ERBIN: variants seen among roughly 807,000 people sequenced by gnomAD.
ERBIN encodes the protein densin-180-like protein.
ERBIN carries 60 observed loss-of-function variants against 158.4 expected under a neutral mutation model. The observed-to-expected ratio is 0.38, with a 90% CI of 0.31 to 0.47. The LOEUF (loss-of-function observed/expected upper bound fraction) is 0.47. Among genes scored for constraint, ERBIN ranks in the 20% least tolerant of loss-of-function variants. ERBIN has a pLI of 0.99. For synonymous variants in ERBIN, 594 were observed against 557.2 expected (o/e 1.07, Z -0.93); for missense variants, 1,610 against 1,648.0 (o/e 0.98, Z 0.40).
intron 4 of ERBIN, among the ~76,000 whole-genome samples, chr5:66,009,166 C>T (rs1753936185): frequency 6.6e-6 from 1 of 152,214 alleles, no homozygotes; most frequent in Non-Finnish European, 1.5e-5. Flanking sequence ...CTAGGCTCTG[C>T]AGCAGCAGAC....
intron 21 of ERBIN, among the ~76,000 whole-genome samples, chr5:66,067,910 AG>A (rs892196693): frequency 6.6e-6 from 1 of 152,318 alleles, no homozygotes; most frequent in South Asian, 2.1e-4. Flanking sequence ...CAGGAATTTG[AG>A]GCCAGCCTGG....
At chr5:66,001,532 C>G (rs1327709755) in intron 4 of ERBIN, among the ~76,000 whole-genome samples, 1 of 152,082 alleles carries the variant, frequency 6.6e-6, no homozygotes, top group African/African-American at 2.4e-5. Flanking sequence ...GGCCTCTATT[C>G]TTTGCTTCTC....
intron 4 of ERBIN, among the ~76,000 whole-genome samples, chr5:66,003,015 G>A (rs1753164472): frequency 6.6e-6 from 1 of 152,160 alleles, no homozygotes; most frequent in South Asian, 2.1e-4. Context: ...ACTCATTTGT[G>A]CCCTACCATA....
At chr5:65,952,679 T>C (rs1191742826) in intron 1 of ERBIN, among the ~76,000 whole-genome samples, 1 of 152,228 alleles carries the variant, frequency 6.6e-6, no homozygotes, top group Non-Finnish European at 1.5e-5. Flanking sequence ...TAGCATACTT[T>C]AAAATTTTTT....
At chr5:65,986,917 T>G (rs1459857668) in intron 1 of ERBIN, among the ~76,000 whole-genome samples, 1 of 152,224 alleles carries the variant, frequency 6.6e-6, no homozygotes, top group Non-Finnish European at 1.5e-5. Context: ...TTGTTTTGTT[T>G]TTTTCCTCTG....
intron 21 of ERBIN, among the ~76,000 whole-genome samples, chr5:66,065,534 C>T (rs1475046221): frequency 6.7e-6 from 1 of 150,344 alleles, no homozygotes; most frequent in Non-Finnish European, 1.5e-5. Context: ...TATATGGGGT[C>T]TATAAATAAA....
intron 21 of ERBIN, 91 bp downstream of exon 21, chr5:66,055,042 A>G: frequency 1.4e-6 from 2 of 1,438,074 alleles, no homozygotes; most frequent in Non-Finnish European, 1.8e-6. Flanking sequence ...ATTACTGATT[A>G]TCTCTTTATA....
intron 7 of ERBIN, among the ~76,000 whole-genome samples, chr5:66,016,386 ACT>A (rs1291362998): frequency 2.6e-5 from 4 of 152,098 alleles, no homozygotes; most frequent in Non-Finnish European, 1.5e-5. Context: ...TTCAAATTAG[ACT>A]CTCAGTGAAT....
intron 4 of ERBIN, among the ~76,000 whole-genome samples, chr5:66,003,145 T>G (rs1753181917): frequency 6.6e-6 from 1 of 152,196 alleles, no homozygotes; most frequent in African/African-American, 2.4e-5. Context: ...ACTCGAATGT[T>G]TTATTCTGTA....
chr5:65,973,544 C>A (rs1169006923), intron 1 of ERBIN, among the ~76,000 whole-genome samples: 2 of 151,378 alleles, frequency 1.3e-5, no homozygotes, highest in Non-Finnish European at 2.9e-5. Flanking sequence ...CTGGCACTCA[C>A]ATCTAGGATT....
At chr5:66,018,282 AT>A (rs1234737779) in intron 7 of ERBIN, among the ~76,000 whole-genome samples, 1 of 148,420 alleles carries the variant, frequency 6.7e-6, no homozygotes, top group African/African-American at 2.5e-5. Flanking sequence ...CGTTTTAATT[AT>A]CCTAATCCAT....
At chr5:65,948,476 C>G (rs548374757) in intron 1 of ERBIN, among the ~76,000 whole-genome samples, 3 of 151,920 alleles carry the variant, frequency 2.0e-5, no homozygotes, top group African/African-American at 7.3e-5. Context: ...CTGCATCCAG[C>G]TGGTTTTTTT....
In ERBIN at chr5:66,023,316, A is replaced by G. The variant is rs747139365; in HGVS notation, c.624A>G (p.Gly208=). The G allele has an allele frequency of 5.0e-6, 8 of 1,613,262 alleles. No individual in the cohort carries two copies. The highest frequency in any genetic ancestry group is 6.8e-6 in the Non-Finnish European group (8 of 1,179,444). ...EVPEVLEQLS[G]LKEFWMDANR... is the part of the protein sequence containing the mutation. ...CTGAAGTACTTGAGCAACTAAGTGG[A>G]TTGAAAGAGTTTTGGATGGATGCTA... is the stretch of plus-strand genomic sequence containing the variant. Residue 208 remains glycine, a synonymous_variant, in exon 9 of 26, where the codon GGA becomes GGG. Coordinates refer to ENST00000284037, the MANE Select transcript of ERBIN (RefSeq NM_001253697.2).
chr5:65,988,374 T>TAA (rs994924385), intron 1 of ERBIN, among the ~76,000 whole-genome samples: 1 of 142,106 alleles, frequency 7.0e-6, no homozygotes, highest in African/African-American at 2.6e-5. Context: ...CCCAGTCTCT[T>TAA]AAAAAAAAAA....
chr5:66,022,113 A>G (rs1330540685), intron 8 of ERBIN, among the ~76,000 whole-genome samples: 5 of 152,072 alleles, frequency 3.3e-5, no homozygotes, highest in African/African-American at 1.2e-4. Context: ...TGCTTGCTAT[A>G]GTATTGCCCT....
chr5:66,058,988 T>G (rs188633211), intron 21 of ERBIN, among the ~76,000 whole-genome samples: 3 of 152,156 alleles, frequency 2.0e-5, no homozygotes, highest in African/African-American at 7.2e-5. Context: ...CAGCTTTGTT[T>G]TTTTTGGCTT....
At chr5:65,966,339 T>A (rs1296977061) in intron 1 of ERBIN, among the ~76,000 whole-genome samples, 1 of 152,192 alleles carries the variant, frequency 6.6e-6, no homozygotes, top group Admixed American at 6.5e-5. Flanking sequence ...TACTGGTTTA[T>A]GTATTTAGTA....
intron 1 of ERBIN, among the ~76,000 whole-genome samples, chr5:65,955,448 G>A (rs1167825672): frequency 6.6e-6 from 1 of 152,134 alleles, no homozygotes; most frequent in Non-Finnish European, 1.5e-5. Flanking sequence ...TGGCCAACAT[G>A]GTGAAACCCC....
At chr5:65,927,000 C>T (rs1163237422) in intron 1 of ERBIN, among the ~76,000 whole-genome samples, 194 bp downstream of exon 1, 3 of 151,312 alleles carry the variant, frequency 2.0e-5, no homozygotes, top group Admixed American at 6.6e-5. Flanking sequence ...CCCCCCTGCC[C>T]CCCCCACCAT....
Sources: gnomAD v4.1 joint callset for allele counts (sites outside exome capture counted in the v4.1 genomes callset) on GRCh38, gnomAD v4.1.1 for gene constraint, MANE v1.5 for transcripts, NCBI Gene and HGNC (gene_info 2026-07-23, HGNC 2026-07-21) for gene names.